Variants in PRICKLE2 observed in about 807,000 individuals in gnomAD.
PRICKLE2 encodes the protein prickle planar cell polarity protein 2, also known as prickle-like protein 2.
A neutral mutation model predicts 81.4 loss-of-function variants in PRICKLE2; 21 were observed. The ratio of observed to expected loss-of-function variants is 0.26; its 90% CI spans 0.18 to 0.37. The LOEUF (loss-of-function observed/expected upper bound fraction) is 0.37, where lower values mean the gene tolerates loss of function less well. Ranked by LOEUF, PRICKLE2 falls within the 10% of genes least tolerant of loss-of-function variation. PRICKLE2 has a pLI of 1.00. For missense variants in PRICKLE2, 940 were observed against 1,109.0 expected, an observed-to-expected ratio of 0.85 and a Z score of 2.16; for synonymous variants, 456 against 421.5, an observed-to-expected ratio of 1.08 and a Z score of -1.00.
At chr3:64,236,262 C>T (rs1040875515) in intron 2 of PRICKLE2, among the ~76,000 whole-genome samples, 1 of 152,096 alleles carries the variant, frequency 6.6e-6, no homozygotes, top group African/African-American at 2.4e-5. Context: ...ATTCAGCCCT[C>T]GATCCCCAGG....
chr3:64,234,075 A>C (rs1399869368), intron 2 of PRICKLE2, among the ~76,000 whole-genome samples: 1 of 152,092 alleles, frequency 6.6e-6, no homozygotes, highest in African/African-American at 2.4e-5. Flanking sequence ...CAATTGATGG[A>C]TATTTGGGTT....
At chr3:64,129,053 A>G (rs760374837) in intron 7 of PRICKLE2, among the ~76,000 whole-genome samples, 10 of 152,124 alleles carry the variant, frequency 6.6e-5, no homozygotes, top group Non-Finnish European at 1.3e-4. Flanking sequence ...GTAGCATCCA[A>G]TTCTCTCTTG....
intron 2 of PRICKLE2, among the ~76,000 whole-genome samples, chr3:64,166,804 T>G (rs974938436): frequency 2.0e-5 from 3 of 152,206 alleles, no homozygotes; most frequent in Non-Finnish European, 2.9e-5. Flanking sequence ...AATGATTTAG[T>G]CCTTTCAGGA....
At chr3:64,193,826 T>C (rs1481531013) in intron 2 of PRICKLE2, among the ~76,000 whole-genome samples, 1 of 152,194 alleles carries the variant, frequency 6.6e-6, no homozygotes, top group Non-Finnish European at 1.5e-5. Flanking sequence ...GCCGTCCATG[T>C]AAGACATGAC....
At chr3:64,105,371 T>G (rs947333086) in intron 7 of PRICKLE2, among the ~76,000 whole-genome samples, 3 of 152,218 alleles carry the variant, frequency 2.0e-5, no homozygotes, top group African/African-American at 7.2e-5. Flanking sequence ...TACTCTTCAC[T>G]GTATTCTTGC....
intron 7 of PRICKLE2, among the ~76,000 whole-genome samples, chr3:64,135,702 A>T (rs946395635): frequency 1.0e-3 from 99 of 98,764 alleles, no homozygotes; most frequent in African/African-American, 4.1e-3. Flanking sequence ...GATCACACAC[A>T]CACACACACA....
intron 2 of PRICKLE2, among the ~76,000 whole-genome samples, chr3:64,196,806 C>T (rs999468772): frequency 7.9e-5 from 12 of 152,126 alleles, no homozygotes; most frequent in Non-Finnish European, 1.5e-4. Flanking sequence ...TCGGATGATT[C>T]GGTATAATCA....
intron 5 of PRICKLE2, chr3:64,155,154 A>T (rs1425551407): frequency 2.0e-5 from 3 of 147,702 alleles, no homozygotes; most frequent in Admixed American, 6.8e-5. Flanking sequence ...GTCTTAAAAA[A>T]AAAAAAAAAA....
chr3:64,175,710 A>C (rs1366264389), intron 2 of PRICKLE2, among the ~76,000 whole-genome samples: 1 of 152,226 alleles, frequency 6.6e-6, no homozygotes, highest in Non-Finnish European at 1.5e-5. Flanking sequence ...GCATTTTGAA[A>C]TTATTACAAT....
chr3:64,251,003 C>T (rs2079439890), intron 2 of PRICKLE2, among the ~76,000 whole-genome samples: 1 of 152,166 alleles, frequency 6.6e-6, no homozygotes, highest in Non-Finnish European at 1.5e-5. Context: ...CTATATATTT[C>T]CTTTTTGTCT....
intron 2 of PRICKLE2, among the ~76,000 whole-genome samples, chr3:64,254,229 C>T (rs1358982924): frequency 6.6e-6 from 1 of 152,126 alleles, no homozygotes; most frequent in Non-Finnish European, 1.5e-5. Context: ...CTACTTTCAC[C>T]TCCTATTTTA....
At chr3:64,156,731 CT>C (rs2077641409) in intron 5 of PRICKLE2, among the ~76,000 whole-genome samples, 1 of 152,128 alleles carries the variant, frequency 6.6e-6, no homozygotes. Context: ...CCTATTTTCT[CT>C]TTTCTAATCA....
At chr3:64,167,332 G>A (rs2077851439) in intron 2 of PRICKLE2, among the ~76,000 whole-genome samples, 1 of 152,186 alleles carries the variant, frequency 6.6e-6, no homozygotes, top group Non-Finnish European at 1.5e-5. Flanking sequence ...TCTGTTGAAT[G>A]TGCTAAAGAC....
In PRICKLE2 at chr3:64,185,362, T is replaced by C. The variant is rs575770225; in HGVS notation, c.144+13422A>G. 3.3e-5 allele frequency among the ~76,000 whole-genome samples: 5 copies of C among 152,234 alleles called. No individual in the cohort carries two copies. In the East Asian group the frequency reaches 9.7e-4, roughly 29 times the overall value. On this transcript the variant is annotated intron_variant, in intron 2 of 7. Coordinates refer to ENST00000638394, the MANE Select transcript of PRICKLE2 (RefSeq NM_198859.4). ...AAAAGACAGCCTCCCAACTAAGAATTAGAAAAAGTCAGTCCCCAAGCTAGA... is the reference window on the plus strand; with the variant it reads ...AAAAGACAGCCTCCCAACTAAGAATCAGAAAAAGTCAGTCCCCAAGCTAGA...
chr3:64,233,642 G>A (rs1285390330), intron 2 of PRICKLE2, among the ~76,000 whole-genome samples: 1 of 152,100 alleles, frequency 6.6e-6, no homozygotes, highest in East Asian at 1.9e-4. Flanking sequence ...TTACTAACAT[G>A]GCCAAACAAT....
chr3:64,263,448 G>A (rs1462954209), intron 2 of PRICKLE2, among the ~76,000 whole-genome samples: 3 of 152,204 alleles, frequency 2.0e-5, no homozygotes, highest in African/African-American at 7.2e-5. Context: ...GGCCAAGGGA[G>A]AATCAGGCAA....
At chr3:64,253,823 G>C (rs771845329) in intron 2 of PRICKLE2, among the ~76,000 whole-genome samples, 7 of 152,070 alleles carry the variant, frequency 4.6e-5, no homozygotes, top group Non-Finnish European at 8.8e-5. Context: ...AGTGACCTTG[G>C]AAAAAAATCA....
intron 7 of PRICKLE2, among the ~76,000 whole-genome samples, chr3:64,144,727 G>C (rs961081830): frequency 2.0e-5 from 3 of 152,202 alleles, no homozygotes. Context: ...CTTGTGGACC[G>C]ACATATGGCC....
intron 1 of PRICKLE2, among the ~76,000 whole-genome samples, chr3:64,221,453 ACACACG>A (rs1163480769): frequency 6.6e-6 from 1 of 151,474 alleles, no homozygotes; most frequent in Non-Finnish European, 1.5e-5. Flanking sequence ...ACACACACAC[ACACACG>A]CACACACACA....
Sources: gnomAD v4.1 joint callset for allele counts (sites outside exome capture counted in the v4.1 genomes callset) on GRCh38, gnomAD v4.1.1 for gene constraint, MANE v1.5 for transcripts, NCBI Gene and HGNC (gene_info 2026-07-23, HGNC 2026-07-21) for gene names.